CDH23: variants seen among roughly 807,000 people sequenced by gnomAD.
The protein encoded by CDH23 is cadherin-23.
A neutral mutation model predicts 317.1 loss-of-function variants in CDH23; 189 were observed. The ratio of observed to expected loss-of-function variants is 0.60; its 90% CI spans 0.53 to 0.67. CDH23 has a LOEUF of 0.67. Ranked by LOEUF, CDH23 falls within the 30% of genes least tolerant of loss-of-function variation. The pLI is 0.00. For synonymous variants in CDH23, 1,839 were observed against 1,876.8 expected (o/e 0.98, Z 0.52); for missense variants, 4,401 against 4,592.4 (o/e 0.96, Z 1.20).
At chr10:71,528,245 G>A (rs914005210) in intron 6 of CDH23, among the ~76,000 whole-genome samples, 1 of 152,020 alleles carries the variant, frequency 6.6e-6, no homozygotes, top group Non-Finnish European at 1.5e-5. Flanking sequence ...GGTAGGTGGG[G>A]TATGTCACTC....
chr10:71,464,094 A>G (rs1479348374), intron 3 of CDH23, among the ~76,000 whole-genome samples: 1 of 152,224 alleles, frequency 6.6e-6, no homozygotes, highest in Admixed American at 6.5e-5. Flanking sequence ...ACCCAAGATC[A>G]TGCAGCTAGT....
At chr10:71,465,957 G>A (rs1042278148) in intron 3 of CDH23, among the ~76,000 whole-genome samples, 7 of 152,160 alleles carry the variant, frequency 4.6e-5, no homozygotes, top group African/African-American at 1.4e-4. Flanking sequence ...AGGGTGTTTG[G>A]AAGGTGATGT....
intron 1 of CDH23, among the ~76,000 whole-genome samples, chr10:71,423,348 T>A (rs560286458): frequency 3.3e-5 from 5 of 152,318 alleles, no homozygotes; most frequent in African/African-American, 9.6e-5. Flanking sequence ...GTGGATTTGG[T>A]GCCTCTACAG....
chr10:71,419,398 G>A (rs904608333), intron 1 of CDH23, among the ~76,000 whole-genome samples: 2 of 152,114 alleles, frequency 1.3e-5, no homozygotes, highest in African/African-American at 4.8e-5. Context: ...TATGAGAAAG[G>A]CCCTGGAGGC....
rs377519065 is a variant in CDH23 at position 71,777,724 on chromosome 10, C to A, written c.4890C>A (p.Asn1630Lys). The change falls in exon 39 of 70, where the codon AAC becomes AAA. Residue 1630 changes from asparagine to lysine, a missense_variant. Physicochemically the swap from Asn to Lys is moderately conservative, Grantham distance 94. Around this residue, in one of 3 missense-constraint regions of CDH23, gnomAD observed 3,068 missense variants for 3,203.3 expected, o/e 0.96. Transcript: ENST00000224721. ...TGACCATTGTGGATGAGAATGATAACGCGCCCATGTTCCAGCAGCCCCACT... is the reference window on the plus strand; with the variant it reads ...TGACCATTGTGGATGAGAATGATAAAGCGCCCATGTTCCAGCAGCCCCACT... ...VYVTIVDEND[N>K]APMFQQPHYE... The A allele has an allele frequency of 1.9e-6, 3 of 1,613,486 alleles. No individual in the cohort carries two copies. Among genetic ancestry groups the A allele is most frequent in the Non-Finnish European group, 2.5e-6 (3 of 1,179,694 alleles).
chr10:71,428,177 G>A (rs553191502), intron 1 of CDH23, among the ~76,000 whole-genome samples: 17 of 137,222 alleles, frequency 1.2e-4, no homozygotes, highest in Non-Finnish European at 1.7e-4. Context: ...TCTCATTGTC[G>A]CCCAGGCTGG....
chr10:71,750,938 G>A, intron 38 of CDH23: 1 of 307,906 alleles, frequency 3.2e-6, no homozygotes, highest in Non-Finnish European at 6.0e-6. Context: ...CAGAACGAGA[G>A]CTGCTGAAGG....
chr10:71,738,977 G>C (rs1839658813), intron 35 of CDH23, among the ~76,000 whole-genome samples: 2 of 152,222 alleles, frequency 1.3e-5, no homozygotes, highest in African/African-American at 2.4e-5. Flanking sequence ...CTGCTTCCTA[G>C]GCCCAGCCCC....
chr10:71,797,729 C>T (rs1398757576), intron 49 of CDH23, among the ~76,000 whole-genome samples: 2 of 152,218 alleles, frequency 1.3e-5, no homozygotes, highest in Admixed American at 6.5e-5. Flanking sequence ...GTGTTACCTT[C>T]TGCCAATCGG....
intron 33 of CDH23, 66 bp downstream of exon 33, chr10:71,734,407 C>G (rs780132324): frequency 1.1e-5 from 17 of 1,514,304 alleles, no homozygotes; most frequent in Non-Finnish European, 1.4e-5. Flanking sequence ...CTTCCTAACC[C>G]ATGTCCTCGC....
chr10:71,675,707 C>A (rs1864332738), intron 15 of CDH23, among the ~76,000 whole-genome samples: 2 of 152,146 alleles, frequency 1.3e-5, no homozygotes, highest in South Asian at 2.1e-4. Context: ...CTGCATGTGA[C>A]CTTCACCACT....
intron 36 of CDH23, 108 bp downstream of exon 36, chr10:71,739,880 G>A: frequency 1.5e-6 from 2 of 1,298,958 alleles, no homozygotes; most frequent in Non-Finnish European, 2.1e-6. Context: ...CTGGTGGTCA[G>A]TGCCCCTGCT....
At chr10:71,489,604 TG>T (rs1258729282) in intron 3 of CDH23, among the ~76,000 whole-genome samples, 2 of 151,030 alleles carry the variant, frequency 1.3e-5, no homozygotes, top group African/African-American at 4.9e-5. Flanking sequence ...GGTGTGTGTG[TG>T]TGTGTGTGTG....
At chr10:71,493,203 T>C (rs1852763972) in intron 3 of CDH23, among the ~76,000 whole-genome samples, 1 of 152,178 alleles carries the variant, frequency 6.6e-6, no homozygotes, top group Non-Finnish European at 1.5e-5. Flanking sequence ...ATTATGATTA[T>C]GATCCCAGGT....
intron 9 of CDH23, among the ~76,000 whole-genome samples, chr10:71,610,639 T>C (rs1030128222): frequency 7.2e-5 from 11 of 152,138 alleles, no homozygotes; most frequent in African/African-American, 2.7e-4. Flanking sequence ...GCCTGGTACA[T>C]GGTAAGTGTT....
At chr10:71,520,300 GA>G (rs553107232) in intron 6 of CDH23, among the ~76,000 whole-genome samples, 254 of 152,196 alleles carry the variant, frequency 1.7e-3, no homozygotes, top group African/African-American at 5.8e-3. Context: ...CATGGCAAGG[GA>G]AAAAAATGAA....
In CDH23 at chr10:71,554,363, A is replaced by G. The variant is rs151027428; in HGVS notation, c.430-12379A>G. 3.6e-3 allele frequency among the ~76,000 whole-genome samples: 464 copies of G among 130,456 alleles called. 1 individual carries two copies. Among genetic ancestry groups the G allele is most frequent in the Non-Finnish European group, 6.2e-3 (389 of 62,898 alleles). 85.6% of individuals were successfully genotyped at this position (130,456 alleles called of 152,430 possible). The stretch of plus-strand genomic sequence containing the variant: ...CAGGTGCACACCACCACACTGGACT[A>G]ATTTTTTTTTTTTTTTGGTAGAGAT... On this transcript the variant is annotated intron_variant, in intron 6 of 69. Transcript: ENST00000224721.
chr10:71,784,862 C>A, intron 42 of CDH23, 29 bp from the exon 43 acceptor site: 1 of 1,591,092 alleles, frequency 6.3e-7, no homozygotes, highest in Non-Finnish European at 8.6e-7. Flanking sequence ...CTCTTCCTCC[C>A]CTCCCTCCTC....
chr10:71,485,090 G>A (rs541039071), intron 3 of CDH23, among the ~76,000 whole-genome samples: 139 of 146,848 alleles, frequency 9.5e-4, no homozygotes, highest in African/African-American at 3.2e-3. Context: ...GCAGTGGTGC[G>A]ATCTCGGCTT....
Sources: gnomAD v4.1 joint callset for allele counts (sites outside exome capture counted in the v4.1 genomes callset) on GRCh38, gnomAD v4.1.1 for gene constraint, gnomAD v4.1.1 regional missense constraint, MANE v1.5 for transcripts, NCBI Gene and HGNC (gene_info 2026-07-23, HGNC 2026-07-21) for gene names.